The following ATP9B variants were observed in gnomAD, a reference collection of about 807,000 sequenced individuals.
ATP9B encodes the protein ATPase phospholipid transporting 9B, also known as probable phospholipid-transporting ATPase IIB.
In ATP9B, 110 loss-of-function variants were observed where a neutral mutation model predicts 146.1. The ratio of observed to expected loss-of-function variants is 0.75; its 90% CI spans 0.65 to 0.88. The LOEUF (loss-of-function observed/expected upper bound fraction) is 0.88, where lower values mean the gene tolerates loss of function less well. ATP9B is among the 40% of genes least tolerant of loss of function. The pLI, the probability that ATP9B is intolerant of heterozygous loss-of-function variation, is 0.00. For missense variants in ATP9B, 1,499 were observed against 1,496.4 expected (o/e 1.00, Z -0.03); for synonymous variants, 604 against 569.7 (o/e 1.06, Z -0.86).
intron 11 of ATP9B, among the ~76,000 whole-genome samples, chr18:79,240,089 G>A (rs1443138645): frequency 6.6e-6 from 1 of 152,238 alleles, no homozygotes; most frequent in Non-Finnish European, 1.5e-5. Context: ...CCTCCAGCTA[G>A]AAAGCTCCAG....
At chr18:79,108,077 C>T (rs2075772488) in intron 2 of ATP9B, among the ~76,000 whole-genome samples, 1 of 152,030 alleles carries the variant, frequency 6.6e-6, no homozygotes, top group Admixed American at 6.6e-5. Flanking sequence ...TTTATAGCTG[C>T]TGTTGGTGGG....
chr18:79,296,365 C>G (rs1336604310), intron 13 of ATP9B, among the ~76,000 whole-genome samples: 1 of 152,188 alleles, frequency 6.6e-6, no homozygotes, highest in African/African-American at 2.4e-5. Flanking sequence ...CACATAGTTT[C>G]AAAAATCAAT....
At chr18:79,073,606 G>T (rs2072236249) in intron 1 of ATP9B, among the ~76,000 whole-genome samples, 1 of 152,136 alleles carries the variant, frequency 6.6e-6, no homozygotes, top group South Asian at 2.1e-4. Flanking sequence ...AACAGAGGGA[G>T]ACCGTGGAAA....
At chr18:79,226,708 T>G (rs2095738306) in intron 11 of ATP9B, among the ~76,000 whole-genome samples, 1 of 152,220 alleles carries the variant, frequency 6.6e-6, no homozygotes, top group Non-Finnish European at 1.5e-5. Context: ...CAGGAGGATC[T>G]GAAGAGGACT....
At chr18:79,261,399 T>C (rs1220275238) in intron 12 of ATP9B, among the ~76,000 whole-genome samples, 1 of 152,112 alleles carries the variant, frequency 6.6e-6, no homozygotes, top group Non-Finnish European at 1.5e-5. Context: ...AATGTCCTTG[T>C]AATCAAAGGA....
At chr18:79,143,479 C>A (rs4799013) in intron 5 of ATP9B, among the ~76,000 whole-genome samples, 31,826 of 152,054 alleles carry the variant, frequency 0.21, 3,700 homozygotes, top group East Asian at 0.5. Flanking sequence ...ATGCTGAGAT[C>A]ATTTAGTAAT....
At chr18:79,318,643 C>T (rs547626461) in intron 15 of ATP9B, among the ~76,000 whole-genome samples, 7 of 152,314 alleles carry the variant, frequency 4.6e-5, no homozygotes, top group East Asian at 1.9e-4. Context: ...AAAAATGGAA[C>T]CTGCTGCTTG....
chr18:79,205,372 G>A (rs1328327226), intron 9 of ATP9B, among the ~76,000 whole-genome samples: 1 of 64,102 alleles, frequency 1.6e-5, no homozygotes. Flanking sequence ...ATCTGAAAGT[G>A]GTTTGATAAG....
intron 21 of ATP9B, 111 bp downstream of exon 21, chr18:79,344,465 C>A: frequency 1.1e-6 from 1 of 935,236 alleles, no homozygotes; most frequent in Non-Finnish European, 1.7e-6. Flanking sequence ...TGAGTGAGTA[C>A]ATGTCTGTCT....
At chr18:79,295,725 T>C (rs1175124935) in intron 13 of ATP9B, among the ~76,000 whole-genome samples, 1 of 152,204 alleles carries the variant, frequency 6.6e-6, no homozygotes, top group East Asian at 1.9e-4. Context: ...GATGATGGCA[T>C]AGTACTAATT....
At chr18:79,212,984 A>T (rs1272209677) in intron 10 of ATP9B, among the ~76,000 whole-genome samples, 3 of 152,172 alleles carry the variant, frequency 2.0e-5, no homozygotes, top group Non-Finnish European at 4.4e-5. Context: ...GCCATGTGAT[A>T]TGTATAATAT....
In ATP9B at chr18:79,340,709, G is replaced by A. The variant is rs116560016; in HGVS notation, c.2284-1559G>A. On this transcript the variant is annotated intron_variant, in intron 19 of 29. Transcript: ENST00000426216. ...AAATATCCTGATATTTTACTCTATCGTCTAGGAATATATATACACATAAGA... is the reference window on the plus strand; with the variant it reads ...AAATATCCTGATATTTTACTCTATCATCTAGGAATATATATACACATAAGA... Among the ~76,000 whole-genome samples, 1,007 of 152,072 alleles carry A rather than the reference G, an allele frequency of 6.6e-3. 5 individuals carry two copies. Among genetic ancestry groups the A allele is most frequent in the African/African-American group, 0.022 (929 of 41,482 alleles).
chr18:79,184,103 ATAGGCTT>A (rs2095280724), intron 8 of ATP9B, among the ~76,000 whole-genome samples: 1 of 152,154 alleles, frequency 6.6e-6, no homozygotes, highest in African/African-American at 2.4e-5. Context: ...TTATGCATTT[ATAGGCTT>A]TGTCTTGTAC....
At chr18:79,374,184 T>C in intron 28 of ATP9B, 83 bp downstream of exon 28, 1 of 1,426,428 alleles carries the variant, frequency 7.0e-7, no homozygotes, top group Non-Finnish European at 9.6e-7. Context: ...CTGAATACAT[T>C]GTGTTAAGTT....
chr18:79,375,848 C>T (rs917453335), intron 29 of ATP9B: 5 of 985,298 alleles, frequency 5.1e-6, no homozygotes, highest in Non-Finnish European at 6.0e-6. Context: ...TCTAACTCTG[C>T]TCCATAGATC....
intron 7 of ATP9B, among the ~76,000 whole-genome samples, chr18:79,158,093 GTTAGA>G (rs1384235766): frequency 6.6e-6 from 1 of 152,026 alleles, no homozygotes; most frequent in African/African-American, 2.4e-5. Flanking sequence ...AAGGTGGAAA[GTTAGA>G]TTATTTACTT....
intron 2 of ATP9B, among the ~76,000 whole-genome samples, chr18:79,098,604 T>C (rs1214184760): frequency 6.6e-6 from 1 of 152,098 alleles, no homozygotes; most frequent in Non-Finnish European, 1.5e-5. Flanking sequence ...AAAGAAGACA[T>C]TTATGCAGCC....
chr18:79,087,129 G>A (rs893150229), intron 1 of ATP9B, among the ~76,000 whole-genome samples: 3 of 152,170 alleles, frequency 2.0e-5, no homozygotes, highest in African/African-American at 7.2e-5. Context: ...AAGATGGGAG[G>A]GCAAGAGAGG....
At chr18:79,267,234 AC>A (rs2145465458) in intron 12 of ATP9B, among the ~76,000 whole-genome samples, 1 of 152,186 alleles carries the variant, frequency 6.6e-6, no homozygotes, top group South Asian at 2.1e-4. Context: ...GTTATCCCTG[AC>A]ATACATAGGA....
Sources: gnomAD v4.1 joint callset for allele counts (sites outside exome capture counted in the v4.1 genomes callset) on GRCh38, gnomAD v4.1.1 for gene constraint, MANE v1.5 for transcripts, NCBI Gene and HGNC (gene_info 2026-07-23, HGNC 2026-07-21) for gene names.